Variants in PVT1 observed in about 807,000 individuals in gnomAD.
The protein encoded by PVT1 is Pvt1 oncogene, also known as CXCR4/PVT1 fusion.
chr8:127,982,391 T>C (rs1260839111), intron 3 of PVT1, among the ~76,000 whole-genome samples: 1 of 152,204 alleles, frequency 6.6e-6, no homozygotes, highest in African/African-American at 2.4e-5. Flanking sequence ...AGAGGATGTG[T>C]AGCATAGTGA....
intron 3 of PVT1, among the ~76,000 whole-genome samples, chr8:127,946,263 C>A (rs193067611): frequency 2.0e-5 from 3 of 152,220 alleles, no homozygotes; most frequent in African/African-American, 7.2e-5. Context: ...ATATCAGACA[C>A]TCTTAGGTGC....
intron 3 of PVT1, among the ~76,000 whole-genome samples, chr8:127,927,450 T>C (rs555026955): frequency 4.6e-5 from 7 of 152,316 alleles, no homozygotes; most frequent in African/African-American, 9.6e-5. Context: ...AAAAGCCCCA[T>C]TGTAAGCAAC....
intron 2 of PVT1, among the ~76,000 whole-genome samples, chr8:127,817,390 T>TA (rs553308933): frequency 1.5e-3 from 208 of 135,804 alleles, no homozygotes; most frequent in African/African-American, 4.8e-3. Flanking sequence ...TATATCTATT[T>TA]AATATATATT....
At chr8:128,073,113 G>T in intron 5 of PVT1, among the ~76,000 whole-genome samples, 1 of 152,030 alleles carries the variant, frequency 6.6e-6, no homozygotes, top group Non-Finnish European at 1.5e-5. Flanking sequence ...GATTACAGGC[G>T]TGAACCACCG....
At chr8:127,908,922 T>C (rs1815857220) in intron 3 of PVT1, among the ~76,000 whole-genome samples, 1 of 152,208 alleles carries the variant, frequency 6.6e-6, no homozygotes, top group Non-Finnish European at 1.5e-5. Context: ...AATTTCAGCT[T>C]TGAACCCAGC....
chr8:128,004,784 T>C (rs1254273239), intron 4 of PVT1, among the ~76,000 whole-genome samples: 1 of 152,208 alleles, frequency 6.6e-6, no homozygotes, highest in Admixed American at 6.5e-5. Context: ...TACCTGTAAA[T>C]GTAACAATGC....
At chr8:127,806,059 A>C (rs193087237) in intron 2 of PVT1, among the ~76,000 whole-genome samples, 304 of 152,360 alleles carry the variant, frequency 2.0e-3, no homozygotes, top group African/African-American at 7.1e-3. Context: ...AACACATTAC[A>C]AAACACTAAT....
At chr8:127,852,088 A>C (rs1221845568) in intron 2 of PVT1, 1 of 152,158 alleles carries the variant, frequency 6.6e-6, no homozygotes, top group Admixed American at 6.5e-5. Context: ...GCTCAGCAGC[A>C]GTTGGGGAGC....
chr8:128,075,410 G>A (rs1036403515), intron 5 of PVT1, among the ~76,000 whole-genome samples: 2 of 151,476 alleles, frequency 1.3e-5, no homozygotes, highest in Non-Finnish European at 2.9e-5. Flanking sequence ...TGAATAGATC[G>A]ATGAATCATT....
chr8:128,086,482 G>T lies in PVT1; in HGVS notation n.1115-10036G>T, dbSNP rs1814259974. ...CCCCAAAGTCACACAGCTTGATTATGTCAACTTAGACCATCAGACACCAGA... is the reference window on the plus strand; with the variant it reads ...CCCCAAAGTCACACAGCTTGATTATTTCAACTTAGACCATCAGACACCAGA... On this transcript the variant is annotated intron_variant and non_coding_transcript_variant, in intron 5 of 10. Transcript: ENST00000651587. 1.3e-5 allele frequency among the ~76,000 whole-genome samples: 2 copies of T among 152,186 alleles called. 1 individual carries two copies. Among genetic ancestry groups the T allele is most frequent in the East Asian group, 3.8e-4 (2 of 5,196 alleles).
chr8:128,074,600 A>G (rs935965824), intron 5 of PVT1, among the ~76,000 whole-genome samples: 1 of 151,858 alleles, frequency 6.6e-6, no homozygotes, highest in East Asian at 1.9e-4. Flanking sequence ...TGATTTGGTC[A>G]CTGCTGAGCT....
At chr8:128,005,234 A>C (rs1198380472) in intron 4 of PVT1, among the ~76,000 whole-genome samples, 1 of 152,056 alleles carries the variant, frequency 6.6e-6, no homozygotes, top group Non-Finnish European at 1.5e-5. Flanking sequence ...GTCTTAGACC[A>C]AGCTTGTGAG....
intron 2 of PVT1, among the ~76,000 whole-genome samples, chr8:127,813,140 G>A (rs1303447701): frequency 2.1e-5 from 3 of 145,028 alleles, no homozygotes; most frequent in African/African-American, 7.6e-5. Flanking sequence ...TTGAGACTCT[G>A]TCTCAAAAAA....
intron 4 of PVT1, among the ~76,000 whole-genome samples, chr8:127,990,808 GGGATACTGGCACACATA>G (rs1817024275): frequency 6.6e-6 from 1 of 152,200 alleles, no homozygotes. Context: ...AGTCAAGGTG[GGGATACTGGCACACATA>G]GGATACTACA....
At chr8:127,966,370 A>T (rs902856068) in intron 3 of PVT1, among the ~76,000 whole-genome samples, 5 of 152,176 alleles carry the variant, frequency 3.3e-5, no homozygotes, top group Non-Finnish European at 7.3e-5. Flanking sequence ...ACAGAGCTGC[A>T]CTTGGACCCT....
At chr8:128,046,500 C>T (rs932042083) in intron 4 of PVT1, among the ~76,000 whole-genome samples, 7 of 152,198 alleles carry the variant, frequency 4.6e-5, no homozygotes, top group African/African-American at 1.7e-4. Flanking sequence ...GATACTGGTT[C>T]CCACATGGCC....
chr8:127,891,160 C>A (rs868221077), intron 3 of PVT1, among the ~76,000 whole-genome samples: 4 of 152,162 alleles, frequency 2.6e-5, no homozygotes, highest in African/African-American at 9.7e-5. Context: ...CGTTACTGTT[C>A]CCTGCCCTGA....
intron 4 of PVT1, among the ~76,000 whole-genome samples, chr8:127,994,373 G>A (rs746773796): frequency 3.9e-5 from 6 of 152,176 alleles, no homozygotes; most frequent in Non-Finnish European, 7.3e-5. Flanking sequence ...GTGACTGGCA[G>A]GAGGTAGCCA....
At chr8:127,797,828 A>T (rs1367166175) in intron 2 of PVT1, among the ~76,000 whole-genome samples, 1 of 152,132 alleles carries the variant, frequency 6.6e-6, no homozygotes, top group Non-Finnish European at 1.5e-5. Context: ...ATCTCATTTA[A>T]CTTTCCTATA....
Sources: gnomAD v4.1 joint callset for allele counts (sites outside exome capture counted in the v4.1 genomes callset) on GRCh38, gnomAD v4.1.1 for gene constraint, MANE v1.5 for transcripts, NCBI Gene and HGNC (gene_info 2026-07-23, HGNC 2026-07-21) for gene names.